TAF1A: variants seen among roughly 807,000 people sequenced by gnomAD.
TAF1A encodes TATA box-binding protein-associated factor RNA polymerase I subunit A.
Under a neutral mutation model 61.6 loss-of-function variants are expected in TAF1A, and 42 were observed. That is an observed-to-expected ratio of 0.68 (90% CI 0.53 to 0.88). TAF1A has a LOEUF of 0.88. Among genes scored for constraint, TAF1A ranks in the 40% least tolerant of loss-of-function variants. The pLI is 0.00. For missense variants in TAF1A, 424 were observed against 518.7 expected (o/e 0.82, Z 1.77); for synonymous variants, 179 against 177.7 (o/e 1.01, Z -0.06).
At chr1:222,576,943 G>A (rs922096714) in intron 5 of TAF1A, among the ~76,000 whole-genome samples, 10 of 152,132 alleles carry the variant, frequency 6.6e-5, no homozygotes, top group Admixed American at 6.5e-4. Context: ...ATAGTTTCTA[G>A]AACACTAACA....
rs1660921179 is a variant in TAF1A, at chr1:222,584,216, T to A, written c.203A>T (p.His68Leu). ...LSFIQEALLK[H>L]QWQQAAEYMY... Reference sequence around the variant, plus strand: ...GTATTCTGCAGCTTGCTGCCATTGGTGCTTCAGCAGAGCTTCTTGGATAAA... The same window carrying A: ...GTATTCTGCAGCTTGCTGCCATTGGAGCTTCAGCAGAGCTTCTTGGATAAA... Residue 68 changes from histidine to leucine, a missense_variant, in exon 3 of 11, where the codon CAC becomes CTC. Physicochemically the swap from His to Leu is moderately conservative, Grantham distance 99. Transcript: ENST00000352967. 20 of 1,612,920 alleles carry A rather than the reference T, an allele frequency of 1.2e-5. No homozygotes were observed. Among genetic ancestry groups the A allele is most frequent in the Non-Finnish European group, 1.7e-5 (20 of 1,179,690 alleles).
intron 1 of TAF1A, among the ~76,000 whole-genome samples, chr1:222,589,388 A>G (rs1356922880): frequency 6.6e-6 from 1 of 152,210 alleles, no homozygotes; most frequent in African/African-American, 2.4e-5. Context: ...ACCCTGGCTC[A>G]GATTTTGCAT....
At chr1:222,569,412 T>C in intron 7 of TAF1A, 98 bp downstream of exon 7, 1 of 1,606,242 alleles carries the variant, frequency 6.2e-7, no homozygotes, top group Non-Finnish European at 8.5e-7. Context: ...ATTATTGAAA[T>C]TTTCTGTAGA....
downstream of TAF1A, among the ~76,000 whole-genome samples, chr1:222,555,950 G>A (rs1256032447): frequency 6.6e-6 from 1 of 152,150 alleles, no homozygotes; most frequent in Non-Finnish European, 1.5e-5. Flanking sequence ...TAAGCAAGCA[G>A]TCCTGTCAGA....
At chr1:222,555,944 C>G (rs1043725254), downstream of TAF1A, among the ~76,000 whole-genome samples, 1 of 152,066 alleles carries the variant, frequency 6.6e-6, no homozygotes, top group Admixed American at 6.6e-5. Flanking sequence ...ACCATATAAG[C>G]AAGCAGTCCT....
At chr1:222,588,312 G>T in intron 2 of TAF1A, 131 bp downstream of exon 2, 2 of 1,086,192 alleles carry the variant, frequency 1.8e-6, no homozygotes, top group Non-Finnish European at 2.6e-6. Context: ...GATTTCTTTT[G>T]GCTTTTAGCC....
In TAF1A at chr1:222,589,719, G is replaced by A; in HGVS notation, c.-3+8C>T. 1 of 226,198 alleles carries A rather than the reference G, an allele frequency of 4.4e-6. No individual in the cohort carries two copies. The allele number at this position is 226,198 out of a possible 1,614,324, so 14.0% of individuals were successfully genotyped here. A position where few individuals can be genotyped will look rare whatever the true frequency, so the allele number is the denominator to read the frequency against. ...GCAGGAACCACGGGCGATATCTGCG[G>A]CACTTACCCGCCTAAATTTAGAGCT... On this transcript the variant is annotated splice_region_variant and intron_variant, in intron 1 of 10. Transcript: ENST00000352967.
chr1:222,558,801 T>G (rs774096015), intron 10 of TAF1A, 29 bp from the exon 11 acceptor site: 1 of 1,151,720 alleles, frequency 8.7e-7, no homozygotes, highest in African/African-American at 1.5e-5. Flanking sequence ...TAAAAAGTTT[T>G]AATACTCATC....
chr1:222,564,316 T>TAAAAAAAA (rs34892481), intron 7 of TAF1A, among the ~76,000 whole-genome samples, 191 bp from the exon 8 acceptor site: 1 of 110,622 alleles, frequency 9.0e-6, no homozygotes, highest in African/African-American at 3.5e-5. Context: ...AAAGCTGTCT[T>TAAAAAAAA]AAAAAAAAAA....
At chr1:222,586,999 C>T (rs1661042125) in intron 2 of TAF1A, among the ~76,000 whole-genome samples, 1 of 152,176 alleles carries the variant, frequency 6.6e-6, no homozygotes, top group Non-Finnish European at 1.5e-5. Context: ...TATCTGCTTG[C>T]AGACTGACTC....
chr1:222,589,893 T>G lies in TAF1A; in HGVS notation c.-169A>C, dbSNP rs3008651. ...CGGCCCGGCTCGTAACTCCTCCTGC[T>G]GCAGCAGGCGTATCGTTGGCCTCGC... On this transcript the variant is annotated 5_prime_UTR_variant, in exon 1 of 11. Coordinates refer to ENST00000352967, the MANE Select transcript of TAF1A (RefSeq NM_005681.4). The G allele has an allele frequency of 0.76, 301,247 of 396,510 alleles. 115,188 individuals are homozygous for G. Among genetic ancestry groups the G allele is most frequent in the East Asian group, 0.92 (25,905 of 28,008 alleles). The allele number at this position is 396,510 out of a possible 1,614,324, so 24.6% of individuals were successfully genotyped here.
In TAF1A at chr1:222,569,282, C is replaced by T. The variant is rs1660246094; in HGVS notation, c.894+228G>A. Reference sequence around the variant, plus strand: ...GTGCAGAGTATTCCAACCAGGGTTGCACAAGACTTCTGATCCTCTCTCCTC... The same window carrying T: ...GTGCAGAGTATTCCAACCAGGGTTGTACAAGACTTCTGATCCTCTCTCCTC... On this transcript the variant is annotated intron_variant, in intron 7 of 10. Transcript: ENST00000352967. The T allele has an allele frequency of 9.7e-6, 14 of 1,441,774 alleles. No homozygotes were observed. In the South Asian group the frequency reaches 1.8e-4, roughly 18 times the overall value. 89.3% of individuals were successfully genotyped at this position (1,441,774 alleles called of 1,614,324 possible).
intron 7 of TAF1A, among the ~76,000 whole-genome samples, chr1:222,567,845 T>C (rs970358199): frequency 2.6e-5 from 4 of 152,178 alleles, no homozygotes; most frequent in Non-Finnish European, 5.9e-5. Flanking sequence ...AGTAACCATA[T>C]TAAGGCCACA....
intron 8 of TAF1A, 38 bp downstream of exon 8, chr1:222,564,021 T>C (rs751736530): frequency 3.9e-6 from 5 of 1,293,572 alleles, no homozygotes; most frequent in Non-Finnish European, 5.6e-6. Context: ...AGTCTATAGC[T>C]TGTCTACACA....
intron 5 of TAF1A, 62 bp downstream of exon 5, chr1:222,577,383 T>A: frequency 7.4e-7 from 1 of 1,350,686 alleles, no homozygotes; most frequent in Non-Finnish European, 1.0e-6. Context: ...ACTAGATTAC[T>A]CCTTAAGATC....
chr1:222,570,871 G>A (rs1660324293), intron 5 of TAF1A, among the ~76,000 whole-genome samples: 1 of 152,068 alleles, frequency 6.6e-6, no homozygotes, highest in African/African-American at 2.4e-5. Context: ...CTTATTCTAA[G>A]CCAGTATTAC....
intron 4 of TAF1A, 150 bp from the exon 5 acceptor site, chr1:222,577,793 G>A: frequency 1.5e-6 from 1 of 655,112 alleles, no homozygotes. Context: ...GTACAATCTG[G>A]CAAAGAAGTA....
intron 3 of TAF1A, among the ~76,000 whole-genome samples, chr1:222,583,605 C>A (rs957160814): frequency 1.3e-5 from 2 of 151,798 alleles, no homozygotes; most frequent in Non-Finnish European, 2.9e-5. Context: ...TTTGGGAGGC[C>A]GAGGCAGGCG....
intron 2 of TAF1A, among the ~76,000 whole-genome samples, chr1:222,586,054 A>G (rs1460903895): frequency 6.6e-6 from 1 of 152,206 alleles, no homozygotes; most frequent in Non-Finnish European, 1.5e-5. Flanking sequence ...TTTGAAGACT[A>G]CTGTGCTAGA....
Sources: gnomAD v4.1 joint callset for allele counts (sites outside exome capture counted in the v4.1 genomes callset) on GRCh38, gnomAD v4.1.1 for gene constraint, MANE v1.5 for transcripts, NCBI Gene and HGNC (gene_info 2026-07-23, HGNC 2026-07-21) for gene names.